TEKT3: variants seen among roughly 807,000 people sequenced by gnomAD.
The protein encoded by TEKT3 is tektin-3.
In TEKT3, 49 loss-of-function variants were observed where a neutral mutation model predicts 49.8. The observed-to-expected ratio is 0.98, with a 90% confidence interval of 0.78 to 1.25. TEKT3 has a LOEUF of 1.25. Among genes scored for constraint, TEKT3 ranks in the 50% most tolerant of loss-of-function variants. TEKT3 has a pLI of 0.00. For missense variants in TEKT3, 595 were observed against 629.5 expected (o/e 0.95, Z 0.59); for synonymous variants, 225 against 237.2 (o/e 0.95, Z 0.47).
chr17:15,308,653 T>A lies in TEKT3; in HGVS notation c.1256+11A>T. Reference sequence around the variant, plus strand: ...TCCGAGCGAGCCCCGAGCCTTCCCCTCCCACCTTACCGTAGCTGAGCCATG... The same window carrying A: ...TCCGAGCGAGCCCCGAGCCTTCCCCACCCACCTTACCGTAGCTGAGCCATG... On this transcript the variant is annotated intron_variant, in intron 8 of 8. Transcript: ENST00000395930. 1 of 1,601,078 alleles carries A rather than the reference T, an allele frequency of 6.2e-7. No homozygotes were observed. The highest frequency in any genetic ancestry group is 8.5e-7 in the Non-Finnish European group (1 of 1,170,914).
At chr17:15,307,692 G>A (rs766136611) in intron 8 of TEKT3, among the ~76,000 whole-genome samples, 8 of 152,076 alleles carry the variant, frequency 5.3e-5, no homozygotes, top group East Asian at 3.9e-4. Context: ...GAATTTTATC[G>A]TGGAAGCAGA....
chr17:15,334,768 C>G (rs1305144397), intron 2 of TEKT3, among the ~76,000 whole-genome samples: 1 of 152,146 alleles, frequency 6.6e-6, no homozygotes. Flanking sequence ...GCTCCACCAG[C>G]CATCTTGTAA....
At chr17:15,310,100 T>C (rs918671957) in intron 7 of TEKT3, among the ~76,000 whole-genome samples, 2 of 152,202 alleles carry the variant, frequency 1.3e-5, no homozygotes, top group Non-Finnish European at 2.9e-5. Flanking sequence ...TAAGGCCTTC[T>C]TCAGATACTA....
intron 4 of TEKT3, among the ~76,000 whole-genome samples, chr17:15,320,406 G>A (rs149179990): frequency 6.6e-6 from 1 of 151,908 alleles, no homozygotes; most frequent in African/African-American, 2.4e-5. Context: ...TAATCAATTT[G>A]CCTTTGGTTT....
rs1911724876 is a variant in TEKT3, at chr17:15,331,320, G to T, written c.266C>A (p.Thr89Asn). 1.2e-6 allele frequency: 2 copies of T among 1,614,216 alleles called. No homozygotes were observed. Among genetic ancestry groups the T allele is most frequent in the African/African-American group, 1.3e-5 (1 of 75,046 alleles). The change falls in exon 3 of 9, where the codon ACT becomes AAT. Residue 89 changes from threonine to asparagine, a missense_variant. Coordinates refer to ENST00000395930, the MANE Select transcript of TEKT3 (RefSeq NM_031898.3). ...ATCCGGTGTGTATCTTGTGAAGAAA[G>T]TGGTTCTGTTGGAAACAAAGGGAAG... ...TMLPFVSNRT[T>N]FFTRYTPDDW...
intron 5 of TEKT3, 61 bp from the exon 6 acceptor site, chr17:15,314,291 CAT>C (rs1477451984): frequency 3.1e-6 from 5 of 1,596,842 alleles, no homozygotes; most frequent in East Asian, 2.2e-5. Flanking sequence ...TGCAAGGACA[CAT>C]GAGTGCCCTT....
At chr17:15,340,389 A>T (rs1182211656) in intron 1 of TEKT3, 1 of 151,890 alleles carries the variant, frequency 6.6e-6, no homozygotes, top group Admixed American at 6.6e-5. Flanking sequence ...CAAAAAAAAA[A>T]AAAAAAAATT....
intron 5 of TEKT3, among the ~76,000 whole-genome samples, chr17:15,316,811 G>T (rs1452724351): frequency 1.3e-5 from 2 of 152,110 alleles, no homozygotes; most frequent in African/African-American, 4.8e-5. Flanking sequence ...TAAGTATTAG[G>T]TCTAGTAATA....
intron 4 of TEKT3, among the ~76,000 whole-genome samples, chr17:15,327,281 G>T (rs868348539): frequency 9.9e-5 from 15 of 152,104 alleles, no homozygotes; most frequent in Non-Finnish European, 1.9e-4. Flanking sequence ...ACTTTGGGAG[G>T]CTGAGGCAGG....
intron 5 of TEKT3, 155 bp from the exon 6 acceptor site, chr17:15,314,385 C>T (rs1462230105): frequency 3.0e-6 from 3 of 1,007,448 alleles, no homozygotes; most frequent in East Asian, 2.6e-5. Context: ...AAAACGAGCA[C>T]TCTCTGGATA....
intron 4 of TEKT3, 25 bp downstream of exon 4, chr17:15,327,967 A>T (rs1212520997): frequency 6.2e-7 from 1 of 1,602,434 alleles, no homozygotes; most frequent in South Asian, 1.1e-5. Context: ...GCTGCCTGTG[A>T]CTGATGCATT....
chr17:15,331,066 G>A lies in TEKT3; in HGVS notation c.520C>T (p.Leu174Phe), dbSNP rs1486198760. 5.6e-6 allele frequency: 9 copies of A among 1,614,044 alleles called. No homozygotes were observed. In the South Asian group the frequency reaches 8.8e-5, roughly 16 times the overall value. ...TCCAGTCTTTTCTTCACATCAGTAA[G>A]TGCATTTGTCTCTCCAATCATTTCA... is the stretch of plus-strand genomic sequence containing the variant. ...LDEMIGETNA[L>F]TDVKKRLERA... Residue 174 changes from leucine to phenylalanine, a missense_variant, in exon 3 of 9, where the codon CTT (leucine) becomes TTT (phenylalanine). Transcript: ENST00000395930.
intron 2 of TEKT3, among the ~76,000 whole-genome samples, chr17:15,338,154 C>G (rs1437920134): frequency 6.6e-6 from 1 of 151,988 alleles, no homozygotes; most frequent in African/African-American, 2.4e-5. Context: ...AATCATAGAG[C>G]AAGTAAACAA....
In TEKT3 at chr17:15,308,695, T is replaced by G; in HGVS notation, c.1225A>C (p.Ile409Leu). 1 of 1,612,680 alleles carries G rather than the reference T, an allele frequency of 6.2e-7. No individual in the cohort carries two copies. Among genetic ancestry groups the G allele is most frequent in the Non-Finnish European group, 8.5e-7 (1 of 1,179,466 alleles). The change falls in exon 8 of 9, where the codon ATT becomes CTT. Residue 409 changes from isoleucine to leucine, a missense_variant. Transcript: ENST00000395930. ...RLDERTRRPN[I>L]ELCRDMAQLR... ...TGAGCCATGTCTCGGCACAACTCAA[T>G]GTTCGGCCGTCTTGTGCGCTCATCC...
chr17:15,324,879 C>CT, intron 4 of TEKT3, among the ~76,000 whole-genome samples: 1 of 152,220 alleles, frequency 6.6e-6, no homozygotes, highest in South Asian at 2.1e-4. Flanking sequence ...TGCCTATGTT[C>CT]TTTTCTAAAA....
upstream of TEKT3, among the ~76,000 whole-genome samples, chr17:15,343,130 T>C (rs1474973230): frequency 6.6e-6 from 1 of 152,246 alleles, no homozygotes; most frequent in Non-Finnish European, 1.5e-5. Flanking sequence ...TGATGAGCAG[T>C]CTTTGTGCTT....
Position 15,308,774 on chromosome 17 carries a change from G to A in TEKT3, c.1146C>T (p.Ile382=). 1.2e-6 allele frequency: 2 copies of A among 1,614,108 alleles called. No homozygotes were observed. Among genetic ancestry groups the A allele is most frequent in the Non-Finnish European group, 1.7e-6 (2 of 1,180,022 alleles). Residue 382 remains isoleucine (I), a synonymous_variant, in exon 8 of 9, where the codon ATC becomes ATT. Transcript: ENST00000395930. ...IFQTEMTIES[I]KKAIKDKTAF... is the part of the protein sequence containing the mutation. The stretch of plus-strand genomic sequence containing the variant: ...CAGTCTTGTCCTTGATGGCCTTCTT[G>A]ATGGATTCTATGGTCATTTCAGTCT...
chr17:15,328,639 C>T (rs922326926), intron 3 of TEKT3, among the ~76,000 whole-genome samples: 3 of 152,126 alleles, frequency 2.0e-5, no homozygotes, highest in African/African-American at 7.2e-5. Context: ...ACTCCTATTA[C>T]TACTTTGTTC....
At chr17:15,335,005 G>A (rs1597421048) in intron 2 of TEKT3, among the ~76,000 whole-genome samples, 1 of 150,558 alleles carries the variant, frequency 6.6e-6, no homozygotes, top group Non-Finnish European at 1.5e-5. Flanking sequence ...TGAAACAACT[G>A]CATTCAGACC....
Sources: allele counts gnomAD v4.1 joint callset (sites outside exome capture counted in the v4.1 genomes callset), GRCh38; gene constraint gnomAD v4.1.1; transcripts MANE v1.5; gene names NCBI Gene and HGNC (gene_info 2026-07-23, HGNC 2026-07-21).